PTPRG: variants seen among roughly 807,000 people sequenced by gnomAD.
PTPRG encodes the protein receptor-type tyrosine-protein phosphatase gamma.
PTPRG carries 102 observed loss-of-function variants against 165.3 expected under a neutral mutation model. The ratio of observed to expected loss-of-function variants is 0.62; its 90% CI spans 0.53 to 0.73. The LOEUF (loss-of-function observed/expected upper bound fraction) is 0.73, where lower values mean the gene tolerates loss of function less well. PTPRG is among the 30% of genes least tolerant of loss of function. The probability of loss-of-function intolerance (pLI) is 0.00; values close to 1 mark genes in which losing one functional copy is unlikely to be tolerated. For missense variants in PTPRG, 1,866 were observed against 1,861.4 expected (o/e 1.00, Z -0.05); for synonymous variants, 675 against 669.5 (o/e 1.01, Z -0.13).
intron 2 of PTPRG, among the ~76,000 whole-genome samples, chr3:61,760,373 C>T (rs2033794507): frequency 6.6e-6 from 1 of 152,162 alleles, no homozygotes; most frequent in South Asian, 2.1e-4. Context: ...TTCCCCCTTT[C>T]TCGCTGCCCT....
chr3:62,074,067 G>A (rs78592978), intron 4 of PTPRG, among the ~76,000 whole-genome samples: 1 of 152,054 alleles, frequency 6.6e-6, no homozygotes. Flanking sequence ...TAATTATTCT[G>A]TGATTATGTA....
chr3:61,778,420 T>A (rs1366347370), intron 2 of PTPRG, among the ~76,000 whole-genome samples: 1 of 152,138 alleles, frequency 6.6e-6, no homozygotes. Flanking sequence ...GAAAAGCAAC[T>A]AATCAGAGAT....
At chr3:61,668,951 T>C (rs1702887784) in intron 1 of PTPRG, among the ~76,000 whole-genome samples, 1 of 152,242 alleles carries the variant, frequency 6.6e-6, no homozygotes, top group Non-Finnish European at 1.5e-5. Flanking sequence ...TAGTATTTGC[T>C]AAATCAGTGG....
Position 62,271,586 on chromosome 3 carries a change from A to G in PTPRG, c.3182+31A>G, listed in dbSNP as rs1236569777. ...GTCTAGGATTCAACATGTGAAATAG[A>G]TGGGGCAGGGGACTTAGGCCTCAGT... is the stretch of plus-strand genomic sequence containing the variant. On this transcript the variant is annotated intron_variant, in intron 21 of 29. Coordinates refer to ENST00000474889, the MANE Select transcript of PTPRG (RefSeq NM_002841.4). The surrounding 1 kb of genome is among the most constrained non-coding windows in gnomAD (Gnocchi z 4.1). 1.3e-6 allele frequency: 2 copies of G among 1,595,712 alleles called. No homozygotes were observed. Among genetic ancestry groups the G allele is most frequent in the Non-Finnish European group, 1.7e-6 (2 of 1,169,782 alleles).
Position 62,201,519 on chromosome 3 carries a change from A to C in PTPRG, c.1342A>C (p.Ile448Leu). The C allele has an allele frequency of 6.2e-7, 1 of 1,611,292 alleles. No homozygotes were observed. The highest frequency in any genetic ancestry group is 8.5e-7 in the Non-Finnish European group (1 of 1,178,376). Residue 448 changes from isoleucine to leucine, a missense_variant, in exon 11 of 30, where the codon ATA becomes CTA. Physicochemically the swap from Ile to Leu is conservative, Grantham distance 5. Transcript: ENST00000474889. ...TMLFQANTTR[I>L]FQGTRIVKTG... The stretch of plus-strand genomic sequence containing the variant: ...TTGTTTCTCAGCTAATACCACTCGA[A>C]TATTCCAAGGGACCAGAATAGTGAA...
chr3:62,259,741 G>C (rs566769848), intron 16 of PTPRG, among the ~76,000 whole-genome samples: 6 of 152,302 alleles, frequency 3.9e-5, no homozygotes, highest in African/African-American at 1.4e-4. Flanking sequence ...TCCAAAGATA[G>C]GTTAGTTTTC....
intron 2 of PTPRG, among the ~76,000 whole-genome samples, chr3:61,937,783 C>T (rs576904634): frequency 1.3e-5 from 2 of 152,304 alleles, no homozygotes; most frequent in East Asian, 3.9e-4. Flanking sequence ...ACTTCCACCT[C>T]CCAGCTCCAG....
chr3:62,119,007 C>G lies in PTPRG; in HGVS notation c.616-13595C>G, dbSNP rs1442422605. On this transcript the variant is annotated intron_variant, in intron 5 of 29. Coordinates refer to ENST00000474889, the MANE Select transcript of PTPRG (RefSeq NM_002841.4). Reference sequence around the variant, plus strand: ...CTAGGAAGCAAACATCTTGTTAGCACCAGCTCTGTATTGGCACTAAGATAG... The same window carrying G: ...CTAGGAAGCAAACATCTTGTTAGCAGCAGCTCTGTATTGGCACTAAGATAG... Among the ~76,000 whole-genome samples the G allele has an allele frequency of 2.0e-5, 3 of 152,196 alleles. No homozygotes were observed. In the East Asian group the frequency reaches 5.8e-4, roughly 29 times the overall value.
intron 12 of PTPRG, among the ~76,000 whole-genome samples, chr3:62,218,610 G>C (rs928598711): frequency 2.0e-5 from 3 of 152,148 alleles, no homozygotes; most frequent in Non-Finnish European, 4.4e-5. Context: ...ACCTTCAACT[G>C]TATCTGTAAA....
chr3:62,091,501 G>C (rs527297542), intron 5 of PTPRG, among the ~76,000 whole-genome samples: 1 of 152,116 alleles, frequency 6.6e-6, no homozygotes, highest in Non-Finnish European at 1.5e-5. Flanking sequence ...ATGGTGGTGA[G>C]GCCATTAGAA....
intron 4 of PTPRG, among the ~76,000 whole-genome samples, chr3:62,033,027 G>A (rs749682824): frequency 1.3e-5 from 2 of 152,166 alleles, no homozygotes; most frequent in Non-Finnish European, 2.9e-5. Flanking sequence ...CACATTGGAT[G>A]TTCAATTTGC....
intron 2 of PTPRG, 41 bp from the exon 3 acceptor site, chr3:61,989,584 C>A (rs192022643): frequency 6.3e-7 from 1 of 1,591,550 alleles, no homozygotes; most frequent in Admixed American, 1.7e-5. Context: ...CATCCCTGAC[C>A]CTTGAACCAT....
intron 2 of PTPRG, among the ~76,000 whole-genome samples, chr3:61,880,314 T>C (rs1311540669): frequency 6.6e-6 from 1 of 152,198 alleles, no homozygotes; most frequent in African/African-American, 2.4e-5. Context: ...TTAGAATACA[T>C]TTAGCAACGG....
intron 5 of PTPRG, among the ~76,000 whole-genome samples, chr3:62,091,553 A>C (rs1701931100): frequency 6.6e-6 from 1 of 152,164 alleles, no homozygotes; most frequent in African/African-American, 2.4e-5. Context: ...ACCCCAAGGA[A>C]CTGCTTAATT....
chr3:61,810,075 A>G (rs1037039180), intron 2 of PTPRG, among the ~76,000 whole-genome samples: 1 of 152,198 alleles, frequency 6.6e-6, no homozygotes, highest in African/African-American at 2.4e-5. Context: ...TGCACAGCCT[A>G]AATGGCTTTT....
intron 2 of PTPRG, among the ~76,000 whole-genome samples, chr3:61,764,304 G>A (rs1186432716): frequency 6.6e-6 from 1 of 152,156 alleles, no homozygotes; most frequent in African/African-American, 2.4e-5. Flanking sequence ...GAGGAGGCAT[G>A]AGGGCATCCT....
chr3:61,597,017 G>A (rs7612890), intron 1 of PTPRG, among the ~76,000 whole-genome samples: 149,380 of 152,216 alleles, frequency 0.98, 73,366 homozygotes, highest in East Asian at 1. Flanking sequence ...AGGGGCCAGC[G>A]TGTGGTGAGG....
chr3:61,732,750 A>C (rs1044155076), intron 1 of PTPRG, among the ~76,000 whole-genome samples: 21 of 136,552 alleles, frequency 1.5e-4, no homozygotes, highest in African/African-American at 6.1e-4. Flanking sequence ...ATAAATAAAT[A>C]AATAAATAAA....
intron 2 of PTPRG, among the ~76,000 whole-genome samples, chr3:61,980,265 C>T (rs1273729050): frequency 6.6e-6 from 1 of 152,184 alleles, no homozygotes; most frequent in Non-Finnish European, 1.5e-5. Flanking sequence ...GTCTTTCCCA[C>T]ATGATAACTT....
Sources: gnomAD v4.1 joint callset for allele counts (sites outside exome capture counted in the v4.1 genomes callset) on GRCh38, gnomAD v4.1.1 for gene constraint, Gnocchi (gnomAD v3.1) non-coding constraint, MANE v1.5 for transcripts, NCBI Gene and HGNC (gene_info 2026-07-23, HGNC 2026-07-21) for gene names.